The following NUP85 variants were observed in gnomAD, a reference collection of about 807,000 sequenced individuals.
The protein encoded by NUP85 is nuclear pore complex protein Nup85.
A neutral mutation model predicts 92.8 loss-of-function variants in NUP85; 23 were observed. That is an observed-to-expected ratio of 0.25 (90% CI 0.18 to 0.35). NUP85 has a LOEUF of 0.35. NUP85 is among the 10% of genes least tolerant of loss of function. The probability of loss-of-function intolerance (pLI) is 1.00; values close to 1 mark genes in which losing one functional copy is unlikely to be tolerated. For synonymous variants in NUP85, 314 were observed against 306.9 expected (o/e 1.02, Z -0.24); for missense variants, 759 against 822.8 (o/e 0.92, Z 0.95).
intron 9 of NUP85, 93 bp from the exon 10 acceptor site, chr17:75,225,605 T>A: frequency 1.3e-6 from 2 of 1,581,462 alleles, no homozygotes; most frequent in African/African-American, 1.3e-5. Context: ...TTCAGACTAG[T>A]TGAAATCCGG....
chr17:75,231,796 A>AC lies in NUP85; in HGVS notation c.1245-30dup. 1 of 1,612,388 alleles carries AC rather than the reference A, an allele frequency of 6.2e-7. No individual in the cohort carries two copies. ...CCAGTCCTCGGAGCCATGAGGCAGC[A>AC]CCTCATGTCTGTCCTCCTCGAACCT... On this transcript the variant is annotated intron_variant, in intron 13 of 18. Transcript: ENST00000245544. The surrounding 1 kb of genome is among the most constrained non-coding windows in gnomAD (Gnocchi z 4.6).
chr17:75,226,363 A>G (rs181955904), intron 11 of NUP85, among the ~76,000 whole-genome samples: 2 of 152,290 alleles, frequency 1.3e-5, no homozygotes, highest in Admixed American at 1.3e-4. Flanking sequence ...GAGGCTAGGA[A>G]GTCCAGGATC....
rs1043506800 is a variant in NUP85 at position 75,235,215 on chromosome 17, T to G, written c.1869+14T>G. The G allele has an allele frequency of 6.2e-7, 1 of 1,600,474 alleles. No homozygotes were observed. Among genetic ancestry groups the G allele is most frequent in the Admixed American group, 1.7e-5 (1 of 58,268 alleles). ...GAGCAGCTCCAGGTCATTTTCACTT[T>G]TGGGTTGATGGTTCCACATGGAGGT... is the stretch of plus-strand genomic sequence containing the variant. On this transcript the variant is annotated intron_variant, in intron 18 of 18. Transcript: ENST00000245544.
In NUP85 at chr17:75,235,180, A is replaced by G; in HGVS notation, c.1848A>G (p.Glu616=). ...CGTCAAGAAGACCTGTGCATGGAGA[A>G]TCTGATACCGAGCAGCTCCAGGTCA... ...DLTSRRPVHG[E]SDTEQLQDDD... Residue 616 remains glutamate (E), a synonymous_variant, in exon 18 of 19, where the codon GAA becomes GAG. Coordinates refer to ENST00000245544, the MANE Select transcript of NUP85 (RefSeq NM_024844.5). 6.2e-7 allele frequency: 1 copy of G among 1,613,800 alleles called. No individual in the cohort carries two copies. The highest frequency in any genetic ancestry group is 8.5e-7 in the Non-Finnish European group (1 of 1,179,798).
chr17:75,229,224 A>G lies in NUP85; in HGVS notation c.1095-2116A>G, dbSNP rs544379816. On this transcript the variant is annotated intron_variant, in intron 11 of 18. Transcript: ENST00000245544. ...GACTTGTATTTTGGCCCAGCCCACAATCTTGGATGCAGGGTGCAGCAGTGT... is the reference window on the plus strand; with the variant it reads ...GACTTGTATTTTGGCCCAGCCCACAGTCTTGGATGCAGGGTGCAGCAGTGT... 3.3e-6 allele frequency: 3 copies of G among 908,744 alleles called. No homozygotes were observed. The African/African-American group carries it at 5.4e-5, about 16-fold the overall frequency. The allele number at this position is 908,744 out of a possible 1,614,324, so 56.3% of individuals were successfully genotyped here.
rs2076134496 is a variant in NUP85, at chr17:75,232,979, C to T, written c.1514+11C>T. On this transcript the variant is annotated intron_variant, in intron 15 of 18. Coordinates refer to ENST00000245544, the MANE Select transcript of NUP85 (RefSeq NM_024844.5). ...GCTCGTGTCAGACAGGTGGGTGCCG[C>T]TAGTGTTGGCTTCCCAGGGACTGGG... 3.1e-6 allele frequency: 5 copies of T among 1,613,486 alleles called. No homozygotes were observed. The highest frequency in any genetic ancestry group is 4.2e-6 in the Non-Finnish European group (5 of 1,179,398).
At chr17:75,235,544 C>G in intron 18 of NUP85, 34 bp from the exon 19 acceptor site, 1 of 1,529,876 alleles carries the variant, frequency 6.5e-7, no homozygotes, top group Non-Finnish European at 9.1e-7. Flanking sequence ...CTCCTTCCTG[C>G]TCTTAGCTCA....
At chr17:75,220,266 A>C (rs1304521351) in intron 7 of NUP85, among the ~76,000 whole-genome samples, 2 of 113,052 alleles carry the variant, frequency 1.8e-5, no homozygotes, top group African/African-American at 5.7e-5. Context: ...CTGGGACTAC[A>C]GGCGCGCGTC....
At chr17:75,228,906 G>T (rs2075931905) in intron 11 of NUP85, 1 of 985,328 alleles carries the variant, frequency 1.0e-6, no homozygotes, top group Admixed American at 6.1e-5. Context: ...GTCTCTCAGT[G>T]CCTGGGTGGG....
chr17:75,211,094 C>G (rs2075246146), intron 3 of NUP85, among the ~76,000 whole-genome samples: 2 of 151,042 alleles, frequency 1.3e-5, no homozygotes, highest in Admixed American at 1.3e-4. Flanking sequence ...CCTCTGCCTC[C>G]TGGGTTGAAG....
intron 4 of NUP85, 95 bp downstream of exon 4, chr17:75,212,157 T>G: frequency 1.3e-6 from 1 of 784,058 alleles, no homozygotes; most frequent in Non-Finnish European, 2.0e-6. Context: ...AGGTAAAGTT[T>G]GATTGATATT....
intron 5 of NUP85, 127 bp from the exon 6 acceptor site, chr17:75,215,627 T>G (rs1229881956): frequency 1.3e-6 from 1 of 775,742 alleles, no homozygotes; most frequent in Non-Finnish European, 2.1e-6. Context: ...AATCCTCCAG[T>G]AGGATTGCAG....
intron 7 of NUP85, among the ~76,000 whole-genome samples, chr17:75,223,998 C>T (rs1237888813): frequency 1.3e-5 from 2 of 152,106 alleles, no homozygotes; most frequent in Non-Finnish European, 2.9e-5. Context: ...TCTCCAGTCC[C>T]TCCTCTTGGG....
In NUP85 at chr17:75,223,044, A is replaced by AAC. The variant is rs1555663801; in HGVS notation, c.598-2058_598-2057insCA. 4.5e-3 allele frequency among the ~76,000 whole-genome samples: 665 copies of AAC among 146,972 alleles called. 4 individuals are homozygous for AAC. The highest frequency in any genetic ancestry group is 6.5e-3 in the Non-Finnish European group (432 of 66,896). On this transcript the variant is annotated intron_variant, in intron 7 of 18. Coordinates refer to ENST00000245544, the MANE Select transcript of NUP85 (RefSeq NM_024844.5). The stretch of plus-strand genomic sequence containing the variant: ...CAAGACTCTGTCTCAAAAAAAAAAA[A>AAC]AAAAAAAAAACTCAGGGCCAACAGC...
chr17:75,228,676 C>T, intron 11 of NUP85: 3 of 985,404 alleles, frequency 3.0e-6, no homozygotes, highest in African/African-American at 1.7e-5. Context: ...GAGCTGTTGG[C>T]ATGCCTTTTT....
At chr17:75,213,690 G>A (rs1163406253) in intron 5 of NUP85, among the ~76,000 whole-genome samples, 1 of 151,764 alleles carries the variant, frequency 6.6e-6, no homozygotes, top group Non-Finnish European at 1.5e-5. Flanking sequence ...ATCACTGCTC[G>A]GTCTCATAAA....
At chr17:75,215,853 A>G in intron 6 of NUP85, 30 bp downstream of exon 6, 1 of 1,538,606 alleles carries the variant, frequency 6.5e-7, no homozygotes, top group Non-Finnish European at 9.0e-7. Context: ...CCATAATCTC[A>G]TAGGTGTCCC....
rs74625893 is a variant in NUP85, at chr17:75,215,208, T to C, written c.406-546T>C. ...AAATAATAACTGGTGACATGCAAGT[T>C]ATATTTTTTCTTTTTTTAAATTTTG... On this transcript the variant is annotated intron_variant, in intron 5 of 18. Transcript: ENST00000245544. Among the ~76,000 whole-genome samples, 1,160 of 152,214 alleles carry C rather than the reference T, an allele frequency of 7.6e-3. 21 individuals carry two copies. The highest frequency in any genetic ancestry group is 0.026 in the African/African-American group (1,090 of 41,552).
intron 7 of NUP85, among the ~76,000 whole-genome samples, chr17:75,224,693 G>A (rs1248605224): frequency 1.3e-5 from 2 of 152,008 alleles, no homozygotes; most frequent in Non-Finnish European, 2.9e-5. Context: ...TTAGCTGGGC[G>A]TGATGGCATG....
Sources: gnomAD v4.1 joint callset for allele counts (sites outside exome capture counted in the v4.1 genomes callset) on GRCh38, gnomAD v4.1.1 for gene constraint, Gnocchi (gnomAD v3.1) non-coding constraint, MANE v1.5 for transcripts, NCBI Gene and HGNC (gene_info 2026-07-23, HGNC 2026-07-21) for gene names.